Variants in KCNJ6 observed in about 807,000 individuals in gnomAD.
KCNJ6 encodes the protein G protein-activated inward rectifier potassium channel 2.
A neutral mutation model predicts 34.2 loss-of-function variants in KCNJ6; 9 were observed. The observed-to-expected ratio is 0.26, with a 90% confidence interval of 0.16 to 0.46. KCNJ6 has a LOEUF of 0.46. Ranked by LOEUF, KCNJ6 falls within the 20% of genes least tolerant of loss-of-function variation. The pLI is 1.00. For synonymous variants in KCNJ6, 196 were observed against 207.1 expected, an observed-to-expected ratio of 0.95 and a Z score of 0.46; for missense variants, 236 against 531.3, an observed-to-expected ratio of 0.44 and a Z score of 5.46.
intron 3 of KCNJ6, among the ~76,000 whole-genome samples, chr21:37,687,253 G>A (rs575205099): frequency 7.2e-5 from 11 of 152,234 alleles, no homozygotes; most frequent in Admixed American, 2.6e-4. Context: ...TCAGCAACGC[G>A]GGGTTACAGG....
chr21:37,627,074 A>G (rs1169112006), intron 3 of KCNJ6, among the ~76,000 whole-genome samples: 2 of 152,190 alleles, frequency 1.3e-5, no homozygotes, highest in Admixed American at 1.3e-4. Flanking sequence ...AGAAGAGAAT[A>G]CCTGTGAATG....
intron 2 of KCNJ6, among the ~76,000 whole-genome samples, chr21:37,744,372 G>A (rs2054956658): frequency 6.6e-6 from 1 of 152,052 alleles, no homozygotes. Flanking sequence ...GAGATAAGCT[G>A]AGAGGTGACT....
chr21:37,678,247 A>G (rs1227688618), intron 3 of KCNJ6, among the ~76,000 whole-genome samples: 1 of 152,218 alleles, frequency 6.6e-6, no homozygotes, highest in Admixed American at 6.5e-5. Flanking sequence ...GGGCTGCTGA[A>G]GTGAAGATGG....
At chr21:37,677,428 G>A (rs992546761) in intron 3 of KCNJ6, among the ~76,000 whole-genome samples, 8 of 152,130 alleles carry the variant, frequency 5.3e-5, no homozygotes, top group African/African-American at 1.9e-4. Context: ...GCTTTGCCAG[G>A]AGTACCAAAT....
intron 3 of KCNJ6, among the ~76,000 whole-genome samples, chr21:37,690,460 T>C: frequency 6.6e-6 from 1 of 152,160 alleles, no homozygotes. Flanking sequence ...CCAGCCAATG[T>C]CTACTGTGGA....
intron 2 of KCNJ6, among the ~76,000 whole-genome samples, chr21:37,839,734 T>C (rs2836015): frequency 0.46 from 69,899 of 152,102 alleles, 16,397 homozygotes; most frequent in East Asian, 0.68. Flanking sequence ...AATAATTAGA[T>C]TTCATCATAG....
At chr21:37,632,238 T>A (rs988541806) in intron 3 of KCNJ6, among the ~76,000 whole-genome samples, 4 of 111,532 alleles carry the variant, frequency 3.6e-5, no homozygotes, top group African/African-American at 1.1e-4. Context: ...TAAGAAAAGA[T>A]GAACTTAAAA....
intron 2 of KCNJ6, among the ~76,000 whole-genome samples, chr21:37,755,912 G>A (rs2055021851): frequency 1.3e-5 from 2 of 152,382 alleles, no homozygotes; most frequent in Admixed American, 6.5e-5. Context: ...TGCTGTGTGA[G>A]TGCTAAATGC....
chr21:37,761,538 CGTG>C (rs1568838866), intron 2 of KCNJ6, among the ~76,000 whole-genome samples: 14 of 91,462 alleles, frequency 1.5e-4, no homozygotes, highest in Non-Finnish European at 1.1e-4. Flanking sequence ...TGGTGTGTGT[CGTG>C]TGTGTGGTAT....
intron 2 of KCNJ6, among the ~76,000 whole-genome samples, chr21:37,822,788 C>A (rs983223699): frequency 6.6e-6 from 1 of 152,150 alleles, no homozygotes. Flanking sequence ...AAGCCATAGA[C>A]TTAAATCACT....
chr21:37,706,851 T>G (rs2054722374), intron 3 of KCNJ6, among the ~76,000 whole-genome samples: 1 of 152,258 alleles, frequency 6.6e-6, no homozygotes, highest in Non-Finnish European at 1.5e-5. Flanking sequence ...GAACATCAGC[T>G]GATACCTCAG....
intron 1 of KCNJ6, among the ~76,000 whole-genome samples, chr21:37,859,381 T>TACA (rs946491275): frequency 3.3e-5 from 5 of 150,576 alleles, no homozygotes; most frequent in Non-Finnish European, 7.4e-5. Flanking sequence ...TCTGGAAGGA[T>TACA]ACACAAGAAA....
In KCNJ6 at chr21:37,651,473, C is replaced by T. The variant is rs74860499; in HGVS notation, c.947-25989G>A. ...TGGGGCAGAGCAAGAATGAACAAAC[C>T]GAGAGCAAGGAGGAGCCTTCCCAGT... On this transcript the variant is annotated intron_variant, in intron 3 of 3. Transcript: ENST00000609713. Among the ~76,000 whole-genome samples, 1,297 of 152,204 alleles carry T rather than the reference C, an allele frequency of 8.5e-3. 27 individuals are homozygous for T. The highest frequency in any genetic ancestry group is 0.03 in the African/African-American group (1,237 of 41,516).
intron 1 of KCNJ6, among the ~76,000 whole-genome samples, chr21:37,845,228 G>A (rs2055500601): frequency 6.6e-6 from 1 of 152,184 alleles, no homozygotes; most frequent in Non-Finnish European, 1.5e-5. Flanking sequence ...GGGGAGCCAA[G>A]GGTTTTTATA....
At chr21:37,646,005 G>C (rs2054402670) in intron 3 of KCNJ6, among the ~76,000 whole-genome samples, 1 of 152,122 alleles carries the variant, frequency 6.6e-6, no homozygotes, top group Non-Finnish European at 1.5e-5. Context: ...TTCCTGACTT[G>C]TGGAAAATTT....
rs2054661136 is a variant in KCNJ6 at position 37,695,838 on chromosome 21, G to T, written c.946+18373C>A. ...TGGAGAAATGTCTGACTCCAGAGCTGGAGCTGAAAAAGTCCAAGGTGAGCC... is the reference window on the plus strand; with the variant it reads ...TGGAGAAATGTCTGACTCCAGAGCTTGAGCTGAAAAAGTCCAAGGTGAGCC... On this transcript the variant is annotated intron_variant, in intron 3 of 3. Coordinates refer to ENST00000609713, the MANE Select transcript of KCNJ6 (RefSeq NM_002240.5). The surrounding 1 kb of genome is among the most constrained non-coding windows in gnomAD (Gnocchi z 4.2). Among the ~76,000 whole-genome samples the T allele has an allele frequency of 6.6e-6, 1 of 152,214 alleles. No homozygotes were observed. Among genetic ancestry groups the T allele is most frequent in the South Asian group, 2.1e-4 (1 of 4,832 alleles).
intron 2 of KCNJ6, among the ~76,000 whole-genome samples, chr21:37,716,019 T>C (rs894794971): frequency 3.9e-5 from 6 of 152,234 alleles, no homozygotes; most frequent in African/African-American, 1.4e-4. Context: ...ACAGTGTTGT[T>C]ATAAGGTTAA....
intron 2 of KCNJ6, among the ~76,000 whole-genome samples, chr21:37,795,730 G>A (rs1202065531): frequency 1.7e-4 from 23 of 137,298 alleles, no homozygotes; most frequent in African/African-American, 6.0e-4. Context: ...GGGAAACTCC[G>A]TCTCAAAAAA....
At chr21:37,686,664 A>G (rs1381229908) in intron 3 of KCNJ6, among the ~76,000 whole-genome samples, 1 of 151,982 alleles carries the variant, frequency 6.6e-6, no homozygotes, top group Non-Finnish European at 1.5e-5. Flanking sequence ...ACGGGGTTTC[A>G]GCATGTTGGC....
Sources: gnomAD v4.1 joint callset for allele counts (sites outside exome capture counted in the v4.1 genomes callset) on GRCh38, gnomAD v4.1.1 for gene constraint, Gnocchi (gnomAD v3.1) non-coding constraint, MANE v1.5 for transcripts, NCBI Gene and HGNC (gene_info 2026-07-23, HGNC 2026-07-21) for gene names.